PXT1: variants seen among roughly 807,000 people sequenced by gnomAD.
PXT1 encodes peroxisomal testis-specific protein 1.
In PXT1, 11 loss-of-function variants were observed where a neutral mutation model predicts 11.0. The ratio of observed to expected loss-of-function variants is 1.00; its 90% confidence interval spans 0.63 to 1.66. The LOEUF (loss-of-function observed/expected upper bound fraction) is 1.66, where lower values mean the gene tolerates loss of function less well. Ranked by LOEUF, PXT1 falls within the 40% of genes most tolerant of loss-of-function variation. PXT1 has a pLI of 0.00. For missense variants in PXT1, 141 were observed against 155.5 expected (o/e 0.91, Z 0.49); for synonymous variants, 43 against 51.4 (o/e 0.84, Z 0.70).
chr6:36,406,639 C>G lies in PXT1; in HGVS notation c.170-6055G>C, dbSNP rs572032819. ...CAGCCTGGCCAACATGGTGAAACCC[C>G]GTCTCTACTAAAAATACAAAAATCA... On this transcript the variant is annotated intron_variant, in intron 3 of 4. Transcript: ENST00000454782. 2.6e-5 allele frequency among the ~76,000 whole-genome samples: 4 copies of G among 151,978 alleles called. No individual in the cohort carries two copies. In the East Asian group the frequency reaches 5.8e-4, roughly 22 times the overall value.
chr6:36,397,211 T>G (rs1439807115), intron 4 of PXT1, among the ~76,000 whole-genome samples: 1 of 152,218 alleles, frequency 6.6e-6, no homozygotes, highest in Non-Finnish European at 1.5e-5. Flanking sequence ...CACAGAGGTT[T>G]CCGGCCAGAA....
At chr6:36,420,392 C>T (rs1177811973) in intron 3 of PXT1, among the ~76,000 whole-genome samples, 1 of 152,042 alleles carries the variant, frequency 6.6e-6, no homozygotes, top group African/African-American at 2.4e-5. Context: ...GAAGGATCTC[C>T]AAATCATATT....
chr6:36,420,512 A>C (rs1367061703), intron 3 of PXT1, among the ~76,000 whole-genome samples: 1 of 152,240 alleles, frequency 6.6e-6, no homozygotes, highest in Non-Finnish European at 1.5e-5. Flanking sequence ...GAAATTCTGG[A>C]AAGATACCTG....
chr6:36,392,394 C>T (rs889638112), intron 4 of PXT1, among the ~76,000 whole-genome samples: 1 of 152,132 alleles, frequency 6.6e-6, no homozygotes, highest in African/African-American at 2.4e-5. Context: ...GAAGACTGGG[C>T]ATGGTGGCTC....
intron 3 of PXT1, among the ~76,000 whole-genome samples, chr6:36,415,916 G>T (rs1774439953): frequency 6.6e-6 from 1 of 152,180 alleles, no homozygotes; most frequent in Non-Finnish European, 1.5e-5. Flanking sequence ...AAGTCTGGAA[G>T]AAGTGAGAGG....
At chr6:36,408,705 A>AG (rs1458127077) in intron 3 of PXT1, among the ~76,000 whole-genome samples, 1 of 7,556 alleles carries the variant, frequency 1.3e-4, no homozygotes, top group Non-Finnish European at 2.6e-4. Flanking sequence ...GTCTCTACCA[A>AG]AAAAAAAAAA....
intron 4 of PXT1, among the ~76,000 whole-genome samples, chr6:36,395,493 A>AATTT (rs771995135): frequency 1.4e-5 from 1 of 73,312 alleles, no homozygotes; most frequent in Non-Finnish European, 2.4e-5. Flanking sequence ...CAAACTTAGG[A>AATTT]TTTTTTTTTT....
chr6:36,419,233 T>C (rs1350862198), intron 3 of PXT1, among the ~76,000 whole-genome samples: 1 of 152,206 alleles, frequency 6.6e-6, no homozygotes, highest in Admixed American at 6.5e-5. Flanking sequence ...TACTTCCAAA[T>C]GGGCTAGGCC....
chr6:36,425,803 AAAATATAT>A, intron 3 of PXT1, 103 bp downstream of exon 3: 1 of 344,088 alleles, frequency 2.9e-6, no homozygotes. Context: ...ACAAAAACAA[AAAATATAT>A]ATATATATAT....
intron 3 of PXT1, among the ~76,000 whole-genome samples, chr6:36,409,610 G>T (rs2127412807): frequency 6.6e-6 from 1 of 151,928 alleles, no homozygotes; most frequent in East Asian, 1.9e-4. Context: ...AGGATCACTT[G>T]AGGCCAGGAG....
At chr6:36,427,496 C>T (rs1219421943) in intron 2 of PXT1, among the ~76,000 whole-genome samples, 2 of 152,166 alleles carry the variant, frequency 1.3e-5, no homozygotes, top group African/African-American at 2.4e-5. Context: ...AGGAGCCTTA[C>T]ATCAGTGCTG....
At chr6:36,411,200 A>C (rs2127413288) in intron 3 of PXT1, among the ~76,000 whole-genome samples, 1 of 152,348 alleles carries the variant, frequency 6.6e-6, no homozygotes, top group East Asian at 1.9e-4. Context: ...CTGTAATCCC[A>C]GCATTTTGGG....
chr6:36,404,266 T>G (rs560580212), intron 3 of PXT1, among the ~76,000 whole-genome samples: 1 of 152,358 alleles, frequency 6.6e-6, no homozygotes, highest in South Asian at 2.1e-4. Context: ...GTCGCATAAC[T>G]GTGTTTCAGT....
At chr6:36,440,087 G>C (rs1034405692) in intron 1 of PXT1, among the ~76,000 whole-genome samples, 1 of 152,082 alleles carries the variant, frequency 6.6e-6, no homozygotes, top group African/African-American at 2.4e-5. Context: ...GACAGGGCAA[G>C]ACTCTGTCTC....
At chr6:36,418,233 A>G (rs1774479072) in intron 3 of PXT1, among the ~76,000 whole-genome samples, 1 of 152,024 alleles carries the variant, frequency 6.6e-6, no homozygotes, top group South Asian at 2.1e-4. Context: ...TCTGGGAATG[A>G]GAATACACAT....
chr6:36,416,980 C>T (rs1314686055), intron 3 of PXT1, among the ~76,000 whole-genome samples: 1 of 152,192 alleles, frequency 6.6e-6, no homozygotes, highest in Non-Finnish European at 1.5e-5. Flanking sequence ...TGTGATATTG[C>T]TGAACATGGA....
chr6:36,413,668 C>A (rs1275031373), intron 3 of PXT1, among the ~76,000 whole-genome samples: 1 of 152,100 alleles, frequency 6.6e-6, no homozygotes, highest in East Asian at 1.9e-4. Context: ...TATTTTCAAT[C>A]TAGAATTCTA....
At chr6:36,412,181 G>A (rs1026606788) in intron 3 of PXT1, among the ~76,000 whole-genome samples, 5 of 151,044 alleles carry the variant, frequency 3.3e-5, no homozygotes, top group South Asian at 2.1e-4. Context: ...GTGAAACCCC[G>A]TCTCTACCAA....
rs140314675 is a variant in PXT1 at position 36,433,157 on chromosome 6, CAG to C, written c.-10+5608_-10+5609del. Among the ~76,000 whole-genome samples the C allele has an allele frequency of 8.2e-4, 125 of 151,876 alleles. 1 individual carries two copies. In the East Asian group the frequency reaches 0.017, roughly 20 times the overall value. ...TTCTAAACCTCAAGCATGGAGGAAT[CAG>C]GGGGGAAAAGAATCACAGAAAACTG... On this transcript the variant is annotated intron_variant, in intron 2 of 4. Coordinates refer to ENST00000454782, the MANE Select transcript of PXT1 (RefSeq NM_152990.4).
Sources: gnomAD v4.1 joint callset for allele counts (sites outside exome capture counted in the v4.1 genomes callset) on GRCh38, gnomAD v4.1.1 for gene constraint, MANE v1.5 for transcripts, NCBI Gene and HGNC (gene_info 2026-07-23, HGNC 2026-07-21) for gene names.